Variants in NUP62CL observed in about 807,000 individuals in gnomAD.
NUP62CL encodes nucleoporin 62 C-terminal like.
NUP62CL carries 13 observed loss-of-function variants against 15.3 expected under a neutral mutation model. The ratio of observed to expected loss-of-function variants is 0.85; its 90% CI spans 0.55 to 1.35. The LOEUF is 1.35. Among genes scored for constraint, NUP62CL ranks in the 40% most tolerant of loss-of-function variants. The pLI, the probability that NUP62CL is intolerant of heterozygous loss-of-function variation, is 0.00. For missense variants in NUP62CL, 123 were observed against 130.6 expected (o/e 0.94, Z 0.28); for synonymous variants, 54 against 49.2 (o/e 1.10, Z -0.41).
chrX:107,145,196 T>G (rs2147795857), intron 8 of NUP62CL, among the ~76,000 whole-genome samples: 1 of 111,512 alleles, frequency 9.0e-6, no homozygotes, highest in Admixed American at 9.6e-5. Flanking sequence ...TGAATGATGA[T>G]ATAGGTATGT....
chrX:107,186,796 G>A (rs1368898367), intron 2 of NUP62CL, among the ~76,000 whole-genome samples: 2 of 111,322 alleles, frequency 1.8e-5, no homozygotes, highest in African/African-American at 6.5e-5. Context: ...CACTTGGGAG[G>A]CTGAAGCAGG....
chrX:107,152,061 T>TATATTCAG (rs1556021660), intron 7 of NUP62CL, among the ~76,000 whole-genome samples: 2 of 69,238 alleles, frequency 2.9e-5, no homozygotes, highest in East Asian at 5.5e-4. Flanking sequence ...TATATATATA[T>TATATTCAG]ATATATATAT....
chrX:107,184,963 A>T (rs1399357111), intron 2 of NUP62CL, among the ~76,000 whole-genome samples: 1 of 111,508 alleles, frequency 9.0e-6, no homozygotes, highest in East Asian at 2.8e-4. Flanking sequence ...AAAGAAAAGA[A>T]CTGTCAACTC....
rs750141716 is a variant in NUP62CL, at chrX:107,152,079, G to GATATATAT, written c.530+1085_530+1092dup. ...ATATATATATATATATATATATTCAGATATATATATATATATTCAGATATA... is the reference window on the plus strand; with the variant it reads ...ATATATATATATATATATATATTCAGATATATATATATATATATATATATTCAGATATA... On this transcript the variant is annotated intron_variant, in intron 7 of 8. Coordinates refer to ENST00000372466, the MANE Select transcript of NUP62CL (RefSeq NM_017681.3). Among the ~76,000 whole-genome samples the GATATATAT allele has an allele frequency of 5.1e-4, 19 of 37,380 alleles. 1 individual carries two copies. Among genetic ancestry groups the GATATATAT allele is most frequent in the African/African-American group, 2.2e-3 (13 of 5,926 alleles). 32.5% of individuals were successfully genotyped at this position (37,380 alleles called of 115,157 possible). A position where few individuals can be genotyped will look rare whatever the true frequency, so the allele number is the denominator to read the frequency against.
At chrX:107,161,445 T>C (rs1258538517) in intron 4 of NUP62CL, among the ~76,000 whole-genome samples, 1 of 85,611 alleles carries the variant, frequency 1.2e-5, no homozygotes, top group Non-Finnish European at 2.3e-5. Flanking sequence ...TGGAATACTA[T>C]GCAGCCATAA....
intron 4 of NUP62CL, among the ~76,000 whole-genome samples, chrX:107,157,472 T>C (rs1181688950): frequency 9.5e-6 from 1 of 105,588 alleles, no homozygotes; most frequent in Non-Finnish European, 2.0e-5. Context: ...GGGGCCAATA[T>C]TCAACATTCT....
chrX:107,184,889 A>G (rs1221988779), intron 2 of NUP62CL, among the ~76,000 whole-genome samples: 1 of 111,774 alleles, frequency 8.9e-6, no homozygotes, highest in African/African-American at 3.3e-5. Flanking sequence ...TTTAAATGAC[A>G]GAGGATTTCT....
chrX:107,204,975 TGC>T, intron 1 of NUP62CL, among the ~76,000 whole-genome samples: 1 of 108,600 alleles, frequency 9.2e-6, no homozygotes, highest in Non-Finnish European at 1.9e-5. Context: ...TTAAATAAAG[TGC>T]ACACACAAGT....
At chrX:107,128,534 A>G (rs926671771) in intron 8 of NUP62CL, among the ~76,000 whole-genome samples, 4 of 112,266 alleles carry the variant, frequency 3.6e-5, no homozygotes, top group African/African-American at 1.3e-4. Flanking sequence ...AAATTCCAGT[A>G]AACAGACATG....
chrX:107,141,356 A>C (rs1441424363), intron 8 of NUP62CL, among the ~76,000 whole-genome samples: 1 of 112,561 alleles, frequency 8.9e-6, no homozygotes, highest in African/African-American at 3.2e-5. Context: ...CAAGTGGCTA[A>C]TAAACAGTGG....
At chrX:107,201,800 C>T (rs923919070) in intron 1 of NUP62CL, among the ~76,000 whole-genome samples, 3 of 109,767 alleles carry the variant, frequency 2.7e-5, no homozygotes, top group South Asian at 8.0e-4. Flanking sequence ...CATGGTGGTG[C>T]GCACCTGTAG....
intron 7 of NUP62CL, among the ~76,000 whole-genome samples, chrX:107,152,908 T>C (rs1926080926): frequency 8.9e-6 from 1 of 111,944 alleles, no homozygotes; most frequent in Non-Finnish European, 1.9e-5. Flanking sequence ...AACTTTACAG[T>C]GAACATGCAT....
intron 3 of NUP62CL, among the ~76,000 whole-genome samples, chrX:107,174,180 G>A (rs1926728667): frequency 1.1e-5 from 1 of 87,687 alleles, no homozygotes; most frequent in African/African-American, 4.3e-5. Flanking sequence ...TTGACAGGGT[G>A]TTACTCCGTC....
intron 3 of NUP62CL, among the ~76,000 whole-genome samples, chrX:107,169,819 T>TAA (rs201672205): frequency 2.8e-5 from 3 of 108,643 alleles, no homozygotes; most frequent in Non-Finnish European, 5.7e-5. Context: ...ATTTTTTTTT[T>TAA]AAAAAAATGA....
At chrX:107,175,244 A>T in intron 2 of NUP62CL, 51 bp from the exon 3 acceptor site, 1 of 605,682 alleles carries the variant, frequency 1.7e-6, no homozygotes, top group Non-Finnish European at 2.7e-6. Context: ...AATAATTTTT[A>T]AAAGTAAAAC....
Position 107,198,407 on chromosome X carries a change from G to A in NUP62CL, c.-91-5335C>T, listed in dbSNP as rs775913261. On this transcript the variant is annotated intron_variant, in intron 1 of 8. Coordinates refer to ENST00000372466, the MANE Select transcript of NUP62CL (RefSeq NM_017681.3). ...CCGAGCCAGGAGCAGCAACCCACTC[G>A]AGTCCCCTTCCAGGCTGTGGAAGCT... 2.9e-3 allele frequency among the ~76,000 whole-genome samples: 319 copies of A among 111,622 alleles called. 2 individuals are homozygous for A. Among genetic ancestry groups the A allele is most frequent in the African/African-American group, 9.8e-3 (300 of 30,738 alleles).
chrX:107,173,300 G>A (rs1926694152), intron 3 of NUP62CL, among the ~76,000 whole-genome samples: 1 of 112,177 alleles, frequency 8.9e-6, no homozygotes, highest in Admixed American at 9.5e-5. Context: ...ATTAGTGGTT[G>A]TCTGTGGCTG....
chrX:107,169,196 T>C (rs1253283722), intron 3 of NUP62CL, among the ~76,000 whole-genome samples: 1 of 111,211 alleles, frequency 9.0e-6, no homozygotes, highest in African/African-American at 3.3e-5. Flanking sequence ...AAAGACTTGA[T>C]AGGACTGACA....
chrX:107,199,602 T>G (rs1394097063), intron 1 of NUP62CL, among the ~76,000 whole-genome samples: 1 of 112,164 alleles, frequency 8.9e-6, no homozygotes, highest in Non-Finnish European at 1.9e-5. Flanking sequence ...AGAGGCAACA[T>G]TTTCCCTAAA....
Sources: gnomAD v4.1 joint callset for allele counts (sites outside exome capture counted in the v4.1 genomes callset) on GRCh38, gnomAD v4.1.1 for gene constraint, MANE v1.5 for transcripts, NCBI Gene and HGNC (gene_info 2026-07-23, HGNC 2026-07-21) for gene names.